Variants in HIVEP3 observed in about 807,000 individuals in gnomAD.
HIVEP3 encodes transcription factor HIVEP3.
Under a neutral mutation model 152.8 loss-of-function variants are expected in HIVEP3, and 49 were observed. That is an observed-to-expected ratio of 0.32 (90% confidence interval 0.26 to 0.41). The LOEUF (loss-of-function observed/expected upper bound fraction) is 0.41. HIVEP3 is among the 10% of genes least tolerant of loss of function. The pLI is 1.00. For missense variants in HIVEP3, 2,790 were observed against 3,103.3 expected (o/e 0.90, Z 2.40); for synonymous variants, 1,269 against 1,289.0 (o/e 0.98, Z 0.33).
intron 5 of HIVEP3, among the ~76,000 whole-genome samples, chr1:41,563,568 G>T (rs368799825): frequency 1.3e-5 from 2 of 152,060 alleles, no homozygotes; most frequent in African/African-American, 4.8e-5. Flanking sequence ...AAGACTCCCC[G>T]ACGAAACAGC....
At chr1:42,033,411 C>T (rs1202480107) in intron 1 of HIVEP3, among the ~76,000 whole-genome samples, 2 of 152,196 alleles carry the variant, frequency 1.3e-5, no homozygotes, top group Admixed American at 6.5e-5. Flanking sequence ...AACCACTGCA[C>T]TCCCATGGGT....
intron 2 of HIVEP3, among the ~76,000 whole-genome samples, chr1:41,693,213 G>C (rs1646222306): frequency 6.6e-6 from 1 of 152,222 alleles, no homozygotes; most frequent in African/African-American, 2.4e-5. Context: ...TTGTTTAGAA[G>C]TGAACTACTG....
chr1:41,637,400 T>C (rs182287781), intron 2 of HIVEP3, among the ~76,000 whole-genome samples: 114 of 152,338 alleles, frequency 7.5e-4, no homozygotes, highest in African/African-American at 2.7e-3. Context: ...TCAAGCTTTG[T>C]CTATGTGACG....
At chr1:41,924,169 G>A (rs145146640) in intron 1 of HIVEP3, among the ~76,000 whole-genome samples, 16 of 152,306 alleles carry the variant, frequency 1.1e-4, no homozygotes, top group Non-Finnish European at 1.9e-4. Flanking sequence ...CGTGACTACA[G>A]CGGCTGAGAT....
At chr1:41,730,819 G>A (rs989876836) in intron 1 of HIVEP3, among the ~76,000 whole-genome samples, 1 of 152,176 alleles carries the variant, frequency 6.6e-6, no homozygotes, top group Non-Finnish European at 1.5e-5. Flanking sequence ...GTGGGAGGCT[G>A]GGGGGTGGGG....
intron 3 of HIVEP3, among the ~76,000 whole-genome samples, chr1:41,620,915 T>G (rs1156989627): frequency 6.6e-6 from 1 of 152,188 alleles, no homozygotes; most frequent in African/African-American, 2.4e-5. Context: ...GGCCTGTTCT[T>G]CTTCCACCTG....
At chr1:41,786,615 A>T (rs1165165461) in intron 1 of HIVEP3, among the ~76,000 whole-genome samples, 1 of 152,210 alleles carries the variant, frequency 6.6e-6, no homozygotes, top group Non-Finnish European at 1.5e-5. Flanking sequence ...TGCATTAAGT[A>T]GTTGTGAGAC....
At chr1:41,986,731 C>T (rs928164627) in intron 1 of HIVEP3, among the ~76,000 whole-genome samples, 16 of 152,198 alleles carry the variant, frequency 1.1e-4, no homozygotes, top group Admixed American at 8.5e-4. Flanking sequence ...TGAGCCACCG[C>T]GCCCTGCCGA....
At chr1:41,643,161 C>T (rs527386843) in intron 2 of HIVEP3, among the ~76,000 whole-genome samples, 3 of 152,306 alleles carry the variant, frequency 2.0e-5, no homozygotes, top group East Asian at 3.9e-4. Flanking sequence ...CTGCCCCAAG[C>T]GGTACTTCTG....
chr1:41,759,944 G>A (rs777652458), intron 1 of HIVEP3, among the ~76,000 whole-genome samples: 7 of 152,202 alleles, frequency 4.6e-5, no homozygotes, highest in Non-Finnish European at 8.8e-5. Flanking sequence ...GCTCTACCTG[G>A]CCCTATTGTT....
intron 1 of HIVEP3, among the ~76,000 whole-genome samples, chr1:42,018,880 T>A (rs897909687): frequency 2.0e-5 from 3 of 152,092 alleles, no homozygotes; most frequent in African/African-American, 7.2e-5. Context: ...TGTCTACAAA[T>A]GTATTGCTGT....
intron 2 of HIVEP3, among the ~76,000 whole-genome samples, chr1:41,699,268 T>C (rs184140208): frequency 3.3e-5 from 5 of 152,336 alleles, no homozygotes; most frequent in Admixed American, 3.3e-4. Context: ...CCTGAGGCTC[T>C]GATGGTTCCA....
chr1:41,811,592 GGCC>G (rs1650961452), intron 1 of HIVEP3, among the ~76,000 whole-genome samples: 1 of 151,600 alleles, frequency 6.6e-6, no homozygotes, highest in Admixed American at 6.6e-5. Context: ...ACTCACTTGG[GGCC>G]GCCCAGCTGG....
chr1:41,565,375 T>A (rs1644144268), intron 5 of HIVEP3, among the ~76,000 whole-genome samples: 2 of 152,012 alleles, frequency 1.3e-5, no homozygotes, highest in Non-Finnish European at 2.9e-5. Context: ...AAGGTACTGC[T>A]TCTGGGAGTG....
Position 41,579,869 on chromosome 1 carries a change from G to A in HIVEP3, c.4929C>T (p.Ser1643=), listed in dbSNP as rs1381184591. ...SLYNPNLPGV[S]TKAALSLLRS... is the part of the protein sequence containing the mutation. The stretch of plus-strand genomic sequence containing the variant: ...TCAGGAGGGACAAAGCAGCTTTAGT[G>A]GAAACCCCCGGAAGGTTGGGGTTGT... Residue 1643 remains serine, a synonymous_variant, in exon 4 of 9, where the codon TCC becomes TCT. Coordinates refer to ENST00000372583, the MANE Select transcript of HIVEP3 (RefSeq NM_024503.5). The A allele has an allele frequency of 1.2e-6, 2 of 1,614,226 alleles. No homozygotes were observed. Among genetic ancestry groups the A allele is most frequent in the African/African-American group, 1.3e-5 (1 of 75,054 alleles).
chr1:41,601,264 T>C (rs936650399), intron 3 of HIVEP3, among the ~76,000 whole-genome samples: 1 of 152,196 alleles, frequency 6.6e-6, no homozygotes. Flanking sequence ...AATCACAGAA[T>C]TGTTTTTTCT....
intron 2 of HIVEP3, among the ~76,000 whole-genome samples, chr1:41,645,228 G>A (rs1645441125): frequency 6.6e-6 from 1 of 152,158 alleles, no homozygotes; most frequent in Admixed American, 6.5e-5. Context: ...GTTCCTCTTG[G>A]ACCCCCAGGC....
intron 2 of HIVEP3, among the ~76,000 whole-genome samples, chr1:41,646,316 C>T (rs1360688787): frequency 6.6e-6 from 1 of 152,216 alleles, no homozygotes; most frequent in African/African-American, 2.4e-5. Flanking sequence ...GGGCAAACCC[C>T]AGGCACCCTG....
intron 1 of HIVEP3, among the ~76,000 whole-genome samples, chr1:41,829,467 C>T (rs377434582): frequency 2.0e-5 from 3 of 152,098 alleles, no homozygotes; most frequent in East Asian, 3.9e-4. Context: ...TCCAGACCAG[C>T]GGCCATTAGA....
Sources: gnomAD v4.1 joint callset for allele counts (sites outside exome capture counted in the v4.1 genomes callset) on GRCh38, gnomAD v4.1.1 for gene constraint, MANE v1.5 for transcripts, NCBI Gene and HGNC (gene_info 2026-07-23, HGNC 2026-07-21) for gene names.